The following ITSN1 variants were observed in gnomAD, a reference collection of about 807,000 sequenced individuals.
ITSN1 encodes the protein intersectin 1, also known as intersectin-1.
Under a neutral mutation model 239.8 loss-of-function variants are expected in ITSN1, and 58 were observed. The observed-to-expected ratio is 0.24, with a 90% confidence interval of 0.20 to 0.30. The LOEUF (loss-of-function observed/expected upper bound fraction) is 0.30. Among genes scored for constraint, ITSN1 ranks in the 10% least tolerant of loss-of-function variants. The pLI is 1.00. For missense variants in ITSN1, 1,558 were observed against 2,103.3 expected, an observed-to-expected ratio of 0.74 and a Z score of 5.07; for synonymous variants, 780 against 770.8, an observed-to-expected ratio of 1.01 and a Z score of -0.20.
At chr21:33,883,511 C>T (rs1447291928) in intron 35 of ITSN1, 39 bp from the exon 36 acceptor site, 2 of 1,608,398 alleles carry the variant, frequency 1.2e-6, no homozygotes, top group Admixed American at 3.3e-5. Context: ...CACACAGACC[C>T]CCAGCCTCGC....
At chr21:33,764,748 A>G (rs898796854) in intron 9 of ITSN1, among the ~76,000 whole-genome samples, 1 of 152,232 alleles carries the variant, frequency 6.6e-6, no homozygotes, top group Non-Finnish European at 1.5e-5. Context: ...TTCCCATTGC[A>G]TTTGTCCTGT....
chr21:33,871,967 T>A (rs1378031523), intron 33 of ITSN1, among the ~76,000 whole-genome samples: 1 of 152,212 alleles, frequency 6.6e-6, no homozygotes, highest in Non-Finnish European at 1.5e-5. Context: ...TTAACTGAGT[T>A]AATGTATGCA....
At chr21:33,832,131 C>G (rs950110983) in intron 27 of ITSN1, among the ~76,000 whole-genome samples, 1 of 152,178 alleles carries the variant, frequency 6.6e-6, no homozygotes, top group Non-Finnish European at 1.5e-5. Context: ...TCCACTCCAG[C>G]CTCTTTGAAA....
At chr21:33,867,115 A>G in intron 32 of ITSN1, 118 bp from the exon 33 acceptor site, 1 of 660,250 alleles carries the variant, frequency 1.5e-6, no homozygotes, top group Non-Finnish European at 2.7e-6. Flanking sequence ...CAGGTCTCTC[A>G]GTTGTCATCC....
At position 33,882,401 on chromosome 21, in the gene ITSN1, C is replaced by A. The variant is rs369484207; in HGVS notation, c.4500C>A (p.Gly1500=). ...TQITKPLGSS[G]TDKVFSPKSN... is the part of the protein sequence containing the mutation. The stretch of plus-strand genomic sequence containing the variant: ...TCACGAAGCCTTTGGGGTCTTCTGG[C>A]ACCGACAAAGTCTTCAGCCCCAAAT... Residue 1500 remains glycine (G), a synonymous_variant, in exon 35 of 40, where the codon GGC becomes GGA. Transcript: ENST00000381318. This position sits in a 1 kb window ranked among gnomAD's most constrained non-coding sequence, Gnocchi z 4.5. The A allele has an allele frequency of 1.9e-6, 3 of 1,614,140 alleles. No individual in the cohort carries two copies. The Admixed American group carries it at 5.0e-5, about 27-fold the overall frequency.
At position 33,728,795 on chromosome 21, in the gene ITSN1, T is replaced by C. The variant is rs1470878087; in HGVS notation, c.185+6144T>C. Among the ~76,000 whole-genome samples, 3 of 152,328 alleles carry C rather than the reference T, an allele frequency of 2.0e-5. No homozygotes were observed. The South Asian group carries it at 6.2e-4, about 32-fold the overall frequency. On this transcript the variant is annotated intron_variant, in intron 4 of 39. Transcript: ENST00000381318. Reference sequence around the variant, plus strand: ...GGTTTGTTCTCTTGTTAGTTCTGCTTGCACTAAAATATAAGCTCTGTGGTG... The same window carrying C: ...GGTTTGTTCTCTTGTTAGTTCTGCTCGCACTAAAATATAAGCTCTGTGGTG...
At chr21:33,711,990 A>G (rs1158143387) in intron 1 of ITSN1, among the ~76,000 whole-genome samples, 1 of 152,166 alleles carries the variant, frequency 6.6e-6, no homozygotes, top group Non-Finnish European at 1.5e-5. Flanking sequence ...TTTCATTCTT[A>G]AAGATCTCAG....
At chr21:33,884,995 T>C (rs1172877268) in intron 36 of ITSN1, 46 bp from the exon 37 acceptor site, 1 of 1,463,494 alleles carries the variant, frequency 6.8e-7, no homozygotes, top group African/African-American at 1.4e-5. Flanking sequence ...CTGAAGCCTT[T>C]TTCCTGAGTT....
chr21:33,787,604 A>T (rs75875540), intron 16 of ITSN1, among the ~76,000 whole-genome samples: 1 of 152,322 alleles, frequency 6.6e-6, no homozygotes, highest in Non-Finnish European at 1.5e-5. Context: ...CTCATTCATT[A>T]TGAAGGCAGT....
At chr21:33,702,077 A>AC (rs2092036253) in intron 1 of ITSN1, among the ~76,000 whole-genome samples, 2 of 128,742 alleles carry the variant, frequency 1.6e-5, no homozygotes, top group South Asian at 2.5e-4. Flanking sequence ...CAAAAAACAA[A>AC]AAAACAAACA....
intron 19 of ITSN1, among the ~76,000 whole-genome samples, chr21:33,801,729 G>T (rs189618087): frequency 6.6e-4 from 100 of 152,332 alleles, no homozygotes; most frequent in African/African-American, 2.3e-3. Context: ...ACCTCTTCAA[G>T]TATACTCCAT....
intron 30 of ITSN1, among the ~76,000 whole-genome samples, chr21:33,857,062 A>G (rs1856889233): frequency 1.3e-5 from 2 of 152,192 alleles, no homozygotes. Flanking sequence ...AGTCATTCCC[A>G]CAGAGGGACA....
At chr21:33,682,435 G>C (rs958809579) in intron 1 of ITSN1, among the ~76,000 whole-genome samples, 1 of 151,538 alleles carries the variant, frequency 6.6e-6, no homozygotes, top group East Asian at 1.9e-4. Flanking sequence ...GGCTGGTCTC[G>C]AACTCCCGAC....
intron 1 of ITSN1, among the ~76,000 whole-genome samples, chr21:33,656,272 G>A (rs536947459): frequency 6.6e-6 from 1 of 152,160 alleles, no homozygotes; most frequent in East Asian, 1.9e-4. Flanking sequence ...AGAGAAGTAG[G>A]ATCTGTCAAG....
intron 22 of ITSN1, among the ~76,000 whole-genome samples, chr21:33,815,146 C>T (rs1274081412): frequency 6.6e-6 from 1 of 151,970 alleles, no homozygotes; most frequent in South Asian, 2.1e-4. Flanking sequence ...GAAGAGAGCA[C>T]GAGACTGGGA....
chr21:33,710,926 C>T (rs2092398265), intron 1 of ITSN1, among the ~76,000 whole-genome samples: 1 of 151,772 alleles, frequency 6.6e-6, no homozygotes, highest in African/African-American at 2.4e-5. Flanking sequence ...CTGCCTCAGC[C>T]TCCTGAGCAG....
intron 16 of ITSN1, among the ~76,000 whole-genome samples, chr21:33,783,194 A>G (rs1443287892): frequency 1.3e-5 from 2 of 152,178 alleles, no homozygotes; most frequent in Non-Finnish European, 1.5e-5. Flanking sequence ...CTTTTCTAAC[A>G]TAAAATTCTT....
chr21:33,661,826 A>G (rs1391115316), intron 1 of ITSN1, among the ~76,000 whole-genome samples: 2 of 151,856 alleles, frequency 1.3e-5, no homozygotes, highest in Admixed American at 6.6e-5. Context: ...GCCATGTGAG[A>G]CATACCTTTT....
At chr21:33,800,547 T>C (rs1011012987) in intron 19 of ITSN1, among the ~76,000 whole-genome samples, 1 of 152,160 alleles carries the variant, frequency 6.6e-6, no homozygotes, top group Non-Finnish European at 1.5e-5. Flanking sequence ...TAATGAATTA[T>C]ACAGTTAATC....
Sources: gnomAD v4.1 joint callset for allele counts (sites outside exome capture counted in the v4.1 genomes callset) on GRCh38, gnomAD v4.1.1 for gene constraint, Gnocchi (gnomAD v3.1) non-coding constraint, MANE v1.5 for transcripts, NCBI Gene and HGNC (gene_info 2026-07-23, HGNC 2026-07-21) for gene names.